Variants in ANKRD36B observed in about 807,000 individuals in gnomAD.
ANKRD36B encodes the protein ankyrin repeat domain-containing protein 36B.
A neutral mutation model predicts 135.7 loss-of-function variants in ANKRD36B; 37 were observed. The ratio of observed to expected loss-of-function variants is 0.27; its 90% CI spans 0.21 to 0.36. ANKRD36B has a LOEUF of 0.36. Ranked by LOEUF, ANKRD36B falls within the 10% of genes least tolerant of loss-of-function variation. The pLI, the probability that ANKRD36B is intolerant of heterozygous loss-of-function variation, is 1.00. For missense variants in ANKRD36B, 549 were observed against 1,037.1 expected, an observed-to-expected ratio of 0.53 and a Z score of 6.46; for synonymous variants, 179 against 348.1, an observed-to-expected ratio of 0.51 and a Z score of 5.41.
At chr2:97,566,551 AAAG>A (rs1370685700) in intron 6 of ANKRD36B, among the ~76,000 whole-genome samples, 16 of 152,318 alleles carry the variant, frequency 1.1e-4, no homozygotes, top group African/African-American at 3.1e-4. Flanking sequence ...TATCAAATGC[AAAG>A]AAGAATATAT....
intron 16 of ANKRD36B, 84 bp downstream of exon 16, chr2:97,553,084 C>T: frequency 6.7e-7 from 1 of 1,501,040 alleles, no homozygotes; most frequent in Non-Finnish European, 9.0e-7. Context: ...AGCCCCCCAC[C>T]CGCCCTGCGC....
chr2:97,541,802 T>A, intron 28 of ANKRD36B, 109 bp downstream of exon 28: 1 of 881,370 alleles, frequency 1.1e-6, no homozygotes, highest in Non-Finnish European at 1.7e-6. Flanking sequence ...ATCTCAGGCA[T>A]GCTGAATCCA....
At chr2:97,548,326 T>C (rs1037357802) in intron 20 of ANKRD36B, among the ~76,000 whole-genome samples, 15 of 151,926 alleles carry the variant, frequency 9.9e-5, no homozygotes, top group Non-Finnish European at 2.1e-4. Context: ...TATGGTGTAA[T>C]AATCTGCCTA....
At chr2:97,570,181 CTT>C (rs1435368390) in intron 6 of ANKRD36B, among the ~76,000 whole-genome samples, 17 of 152,108 alleles carry the variant, frequency 1.1e-4, no homozygotes, top group South Asian at 2.1e-4. Context: ...AGCACAGAAA[CTT>C]AGTATTTCAT....
At chr2:97,582,249 T>C (rs1057349126) in intron 3 of ANKRD36B, among the ~76,000 whole-genome samples, 4 of 152,226 alleles carry the variant, frequency 2.6e-5, no homozygotes, top group African/African-American at 9.7e-5. Flanking sequence ...TTATGGTATG[T>C]ATAAATAGTT....
intron 6 of ANKRD36B, among the ~76,000 whole-genome samples, 188 bp from the exon 7 acceptor site, chr2:97,561,048 C>T (rs921783665): frequency 1.3e-5 from 2 of 151,344 alleles, no homozygotes; most frequent in Admixed American, 1.3e-4. Context: ...AATAGGAATA[C>T]AGGCTTCAAG....
At chr2:97,516,301 G>T (rs1336149637) in intron 36 of ANKRD36B, among the ~76,000 whole-genome samples, 1 of 18,226 alleles carries the variant, frequency 5.5e-5, no homozygotes, top group African/African-American at 1.5e-4. Flanking sequence ...ACTGAGAAAT[G>T]AAGGATGAGA....
At chr2:97,526,948 G>A (rs2078248533) in intron 35 of ANKRD36B, among the ~76,000 whole-genome samples, 1 of 96,480 alleles carries the variant, frequency 1.0e-5, no homozygotes, top group Admixed American at 9.1e-5. Flanking sequence ...TGAAAGTCAC[G>A]GGGAGAATGG....
intron 6 of ANKRD36B, among the ~76,000 whole-genome samples, chr2:97,566,414 G>A (rs576182430): frequency 1.3e-5 from 2 of 152,198 alleles, no homozygotes; most frequent in East Asian, 1.9e-4. Context: ...AGACTCTCAT[G>A]ATTTGTTACA....
chr2:97,530,709 G>A lies in ANKRD36B; in HGVS notation c.2265+1602C>T, dbSNP rs2078529524. Among the ~76,000 whole-genome samples the A allele has an allele frequency of 2.1e-5, 2 of 95,574 alleles. 1 individual carries two copies. The highest frequency in any genetic ancestry group is 6.2e-5 in the African/African-American group (2 of 32,030). 62.7% of individuals were successfully genotyped at this position (95,574 alleles called of 152,430 possible). A position where few individuals can be genotyped will look rare whatever the true frequency, so the allele number is the denominator to read the frequency against. ...ACAAAGAACTCAAACAAATTTACAA[G>A]AAAAAAACAAACAACCCCATCAAAA... On this transcript the variant is annotated intron_variant, in intron 35 of 43. Coordinates refer to ENST00000359901, the MANE Select transcript of ANKRD36B (RefSeq NM_001393939.1).
In ANKRD36B at chr2:97,516,192, TAA is replaced by T. The variant is rs1159226772; in HGVS notation, c.2408-249_2408-248del. On this transcript the variant is annotated intron_variant, in intron 36 of 43. Transcript: ENST00000359901. ...CAGTTATAAACTCAGATAGGTCCTG[TAA>T]AAAAAAAAAAAAAAAAAAAACATAG... is the stretch of plus-strand genomic sequence containing the variant. Among the ~76,000 whole-genome samples the T allele has an allele frequency of 6.3e-4, 21 of 33,516 alleles. 2 individuals are homozygous for T. Among genetic ancestry groups the T allele is most frequent in the African/African-American group, 9.8e-4 (12 of 12,246 alleles). 22.0% of individuals were successfully genotyped at this position (33,516 alleles called of 152,430 possible). A position where few individuals can be genotyped will look rare whatever the true frequency, so the allele number is the denominator to read the frequency against.
intron 34 of ANKRD36B, 34 bp downstream of exon 34, chr2:97,536,266 C>T (rs2078884689): frequency 1.2e-6 from 1 of 813,952 alleles, no homozygotes; most frequent in African/African-American, 1.8e-5. Context: ...TAATGTACTT[C>T]TTTCCAGAGT....
intron 1 of ANKRD36B, 77 bp from the exon 2 acceptor site, chr2:97,585,475 A>T: frequency 6.1e-6 from 9 of 1,480,470 alleles, no homozygotes; most frequent in Non-Finnish European, 7.2e-6. Context: ...TCTTCAAAAC[A>T]AATATGTAAT....
At position 97,549,478 on chromosome 2, in the gene ANKRD36B, T is replaced by C; in HGVS notation, c.1418A>G (p.Lys473Arg). Reference sequence around the variant, plus strand: ...GGCTATATTCAAAACAGAATCTTCCTTGACACTTGTAGCCTGAATGGAATT... The same window carrying C: ...GGCTATATTCAAAACAGAATCTTCCCTGACACTTGTAGCCTGAATGGAATT... ...KPPALKATSV[K>R]EDSVLNIARE... Residue 473 changes from lysine to arginine, a missense_variant, in exon 20 of 44, where the codon AAG (lysine) becomes AGG (arginine). Physicochemically the swap from Lys to Arg is conservative, Grantham distance 26. Coordinates refer to ENST00000359901, the MANE Select transcript of ANKRD36B (RefSeq NM_001393939.1). 1 of 1,593,548 alleles carries C rather than the reference T, an allele frequency of 6.3e-7. No individual in the cohort carries two copies. The highest frequency in any genetic ancestry group is 8.5e-7 in the Non-Finnish European group (1 of 1,169,644).
chr2:97,562,957 A>C (rs2081158020), intron 6 of ANKRD36B, among the ~76,000 whole-genome samples: 1 of 151,830 alleles, frequency 6.6e-6, no homozygotes. Flanking sequence ...TCATATTATG[A>C]GTTATTATCA....
At chr2:97,547,679 C>T (rs2079604355) in intron 21 of ANKRD36B, 24 bp downstream of exon 21, 15 of 1,556,452 alleles carry the variant, frequency 9.6e-6, no homozygotes, top group East Asian at 7.2e-5. Context: ...TACTAGTTCA[C>T]AATATAAATG....
At chr2:97,582,458 T>C (rs952060396) in intron 3 of ANKRD36B, among the ~76,000 whole-genome samples, 2 of 151,618 alleles carry the variant, frequency 1.3e-5, no homozygotes, top group Admixed American at 6.6e-5. Flanking sequence ...AGTACCTAGG[T>C]AGGCACAGTA....
rs371574594 is a variant in ANKRD36B, at chr2:97,585,133, C to A, written c.277-16G>T. ...GTTGTACAGCCTGTCAGTATTAGAC[C>A]GAGAAACATGCAAATACTGAAAAAA... On this transcript the variant is annotated splice_polypyrimidine_tract_variant and intron_variant, in intron 2 of 43. Coordinates refer to ENST00000359901, the MANE Select transcript of ANKRD36B (RefSeq NM_001393939.1). 4.8e-5 allele frequency: 78 copies of A among 1,613,422 alleles called. No individual in the cohort carries two copies. The African/African-American group carries it at 1.0e-3, about 21-fold the overall frequency.
intron 1 of ANKRD36B, among the ~76,000 whole-genome samples, chr2:97,587,340 AT>A (rs2083082056): frequency 6.6e-6 from 1 of 152,254 alleles, no homozygotes; most frequent in Non-Finnish European, 1.5e-5. Context: ...ATAAGAAAAA[AT>A]ATCACAATAC....
Sources: gnomAD v4.1 joint callset for allele counts (sites outside exome capture counted in the v4.1 genomes callset) on GRCh38, gnomAD v4.1.1 for gene constraint, MANE v1.5 for transcripts, NCBI Gene and HGNC (gene_info 2026-07-23, HGNC 2026-07-21) for gene names.